The following STX7 variants were observed in gnomAD, a reference collection of about 807,000 sequenced individuals.
STX7 encodes syntaxin 7, also known as syntaxin-7.
In STX7, 34 loss-of-function variants were observed where a neutral mutation model predicts 39.6. The ratio of observed to expected loss-of-function variants is 0.86; its 90% CI spans 0.65 to 1.14. The LOEUF (loss-of-function observed/expected upper bound fraction) is 1.14. Among genes scored for constraint, STX7 ranks in the 50% most tolerant of loss-of-function variants. The probability of loss-of-function intolerance (pLI) is 0.00; values close to 1 mark genes in which losing one functional copy is unlikely to be tolerated. For synonymous variants in STX7, 119 were observed against 99.1 expected (o/e 1.20, Z -1.19); for missense variants, 284 against 310.4 (o/e 0.92, Z 0.64).
intron 9 of STX7, 43 bp from the exon 10 acceptor site, chr6:132,460,893 C>A (rs1774378908): frequency 6.4e-7 from 1 of 1,553,552 alleles, no homozygotes; most frequent in Non-Finnish European, 8.8e-7. Flanking sequence ...AACATGTTTA[C>A]AGATTTAGTG....
intron 2 of STX7, among the ~76,000 whole-genome samples, chr6:132,494,522 T>C (rs918660213): frequency 2.0e-5 from 3 of 152,190 alleles, no homozygotes; most frequent in Admixed American, 6.5e-5. Flanking sequence ...CTTTGGGCCC[T>C]AAGACCTGAA....
intron 8 of STX7, among the ~76,000 whole-genome samples, chr6:132,466,337 GCTATTCCTT>G (rs1485511169): frequency 2.8e-4 from 43 of 152,136 alleles, no homozygotes; most frequent in Non-Finnish European, 4.0e-4. Context: ...CATATCACTG[GCTATTCCTT>G]AGTCTTTTTA....
In STX7 at chr6:132,492,022, CCAGCACTGCACTCCTCTCCT is replaced by C. The variant is rs1482840574; in HGVS notation, c.85+11404_85+11423del. 5.3e-5 allele frequency among the ~76,000 whole-genome samples: 8 copies of C among 152,296 alleles called. No individual in the cohort carries two copies. In the East Asian group the frequency reaches 5.8e-4, roughly 11 times the overall value. On this transcript the variant is annotated intron_variant, in intron 2 of 9. Transcript: ENST00000367941. ...AGTCCAACATTGCACTGCCTCTGCA[CCAGCACTGCACTCCTCTCCT>C]CATAACCCTTGCTCCACCCAGAGTA...
At chr6:132,464,148 C>T in intron 8 of STX7, 73 bp from the exon 9 acceptor site, 1 of 1,381,266 alleles carries the variant, frequency 7.2e-7, no homozygotes, top group Non-Finnish European at 1.0e-6. Flanking sequence ...CACTAAATTT[C>T]ATTCAAGGTA....
At chr6:132,498,728 GA>G (rs1363490842) in intron 2 of STX7, among the ~76,000 whole-genome samples, 1 of 152,104 alleles carries the variant, frequency 6.6e-6, no homozygotes, top group Non-Finnish European at 1.5e-5. Context: ...ACCAAATGGG[GA>G]AAAAAGTGAA....
At position 132,449,990 on chromosome 6, in the gene STX7, T is replaced by C. The variant is rs1774105612; in HGVS notation, c.*10768A>G. ...AGAGTCCACTGACTTAGGACTACTT[T>C]AATGCTTTAAAGCATTCCTGGTTTT... is the stretch of plus-strand genomic sequence containing the variant. On this transcript the variant is annotated 3_prime_UTR_variant, in exon 10 of 10. Transcript: ENST00000367941. 1 of 152,230 alleles carries C rather than the reference T, an allele frequency of 6.6e-6. No individual in the cohort carries two copies. Among genetic ancestry groups the C allele is most frequent in the Non-Finnish European group, 1.5e-5 (1 of 68,044 alleles). 9.4% of individuals were successfully genotyped at this position (152,230 alleles called of 1,614,324 possible). A position where few individuals can be genotyped will look rare whatever the true frequency, so the allele number is the denominator to read the frequency against.
At chr6:132,506,728 CA>C (rs1229478115) in intron 1 of STX7, among the ~76,000 whole-genome samples, 1 of 151,902 alleles carries the variant, frequency 6.6e-6, no homozygotes, top group African/African-American at 2.4e-5. Flanking sequence ...AACAGCATGG[CA>C]AGTCATCAAA....
At chr6:132,490,172 G>C (rs902416527) in intron 2 of STX7, among the ~76,000 whole-genome samples, 4 of 152,198 alleles carry the variant, frequency 2.6e-5, no homozygotes, top group Non-Finnish European at 4.4e-5. Flanking sequence ...CTTGCGCCTT[G>C]CAATTCCCCA....
intron 2 of STX7, among the ~76,000 whole-genome samples, chr6:132,476,843 T>G (rs375993095): frequency 6.6e-6 from 1 of 152,108 alleles, no homozygotes. Flanking sequence ...TTTATGTATG[T>G]GGGGACATAA....
intron 2 of STX7, among the ~76,000 whole-genome samples, chr6:132,477,302 G>A (rs1422495725): frequency 1.3e-5 from 2 of 151,880 alleles, no homozygotes; most frequent in South Asian, 2.1e-4. Context: ...TGCCTTATAG[G>A]GGCTTTATTT....
At chr6:132,469,732 A>G (rs556959864) in intron 7 of STX7, among the ~76,000 whole-genome samples, 7 of 152,266 alleles carry the variant, frequency 4.6e-5, no homozygotes, top group Admixed American at 3.9e-4. Flanking sequence ...CCAGCTACTC[A>G]GCAAGCTGAG....
intron 8 of STX7, among the ~76,000 whole-genome samples, chr6:132,465,763 TTG>T (rs1774550209): frequency 6.6e-6 from 1 of 152,170 alleles, no homozygotes; most frequent in African/African-American, 2.4e-5. Flanking sequence ...CATGCAATAT[TTG>T]TGTGTTCTGA....
chr6:132,472,142 G>A, intron 4 of STX7, 140 bp downstream of exon 4: 1 of 656,314 alleles, frequency 1.5e-6, no homozygotes, highest in East Asian at 2.9e-5. Flanking sequence ...TTTGTGTTCT[G>A]TGAACTAATC....
intron 5 of STX7, among the ~76,000 whole-genome samples, chr6:132,470,870 A>C (rs1283891991): frequency 6.6e-6 from 1 of 152,180 alleles, no homozygotes; most frequent in Non-Finnish European, 1.5e-5. Flanking sequence ...AAAGGAATTC[A>C]CTAAATATTC....
chr6:132,498,117 G>T (rs530228900), intron 2 of STX7, among the ~76,000 whole-genome samples: 6 of 152,080 alleles, frequency 3.9e-5, no homozygotes, highest in Non-Finnish European at 8.8e-5. Context: ...TGACTGTTAC[G>T]GAGTCAACGC....
chr6:132,462,450 T>C (rs1351218661), intron 9 of STX7, among the ~76,000 whole-genome samples: 1 of 152,108 alleles, frequency 6.6e-6, no homozygotes, highest in African/African-American at 2.4e-5. Flanking sequence ...GAGTAAAACT[T>C]GGCAGAATAT....
intron 2 of STX7, among the ~76,000 whole-genome samples, chr6:132,477,986 C>T (rs1416262267): frequency 2.0e-5 from 3 of 151,838 alleles, no homozygotes; most frequent in Non-Finnish European, 2.9e-5. Flanking sequence ...TTATGAAAAG[C>T]AGTTGAGAAT....
chr6:132,463,029 C>T (rs1774450714), intron 9 of STX7, among the ~76,000 whole-genome samples: 2 of 151,970 alleles, frequency 1.3e-5, no homozygotes, highest in South Asian at 4.1e-4. Context: ...CCAGACCAGC[C>T]TGGGCAACAC....
Position 132,455,758 on chromosome 6 carries a change from TATTC to T in STX7, c.*4996_*4999del, listed in dbSNP as rs1249637957. ...TTATTTGGAGAAAAATATTACATAA[TATTC>T]ATGTTAACCAAATGATTACAAAAAC... is the stretch of plus-strand genomic sequence containing the variant. On this transcript the variant is annotated 3_prime_UTR_variant, in exon 10 of 10. Transcript: ENST00000367941. 1 of 152,202 alleles carries T rather than the reference TATTC, an allele frequency of 6.6e-6. No homozygotes were observed. Among genetic ancestry groups the T allele is most frequent in the Non-Finnish European group, 1.5e-5 (1 of 68,038 alleles). 9.4% of individuals were successfully genotyped at this position (152,202 alleles called of 1,614,324 possible). A position where few individuals can be genotyped will look rare whatever the true frequency, so the allele number is the denominator to read the frequency against.
Sources: allele counts gnomAD v4.1 joint callset (sites outside exome capture counted in the v4.1 genomes callset), GRCh38; gene constraint gnomAD v4.1.1; transcripts MANE v1.5; gene names NCBI Gene and HGNC (gene_info 2026-07-23, HGNC 2026-07-21).